Variants in RFX3 observed in about 807,000 individuals in gnomAD.
RFX3 encodes the protein regulatory factor X3.
A neutral mutation model predicts 98.6 loss-of-function variants in RFX3; 14 were observed. That is an observed-to-expected ratio of 0.14 (90% CI 0.09 to 0.22). RFX3 has a LOEUF of 0.22. Among genes scored for constraint, RFX3 ranks in the 10% least tolerant of loss-of-function variants. RFX3 has a pLI of 1.00. For missense variants in RFX3, 639 were observed against 926.9 expected, an observed-to-expected ratio of 0.69 and a Z score of 4.03; for synonymous variants, 383 against 328.4, an observed-to-expected ratio of 1.17 and a Z score of -1.80.
At chr9:3,408,826 A>G (rs963407351) in intron 1 of RFX3, among the ~76,000 whole-genome samples, 1 of 152,206 alleles carries the variant, frequency 6.6e-6, no homozygotes, top group Non-Finnish European at 1.5e-5. Context: ...GTAGTCTTCC[A>G]CTACTGCCTC....
intron 1 of RFX3, among the ~76,000 whole-genome samples, chr9:3,446,463 C>G (rs1044226351): frequency 2.0e-5 from 3 of 152,036 alleles, no homozygotes; most frequent in African/African-American, 7.2e-5. Context: ...GTGAACTACT[C>G]TGATGACTTG....
At chr9:3,235,061 A>C (rs1818954375) in intron 15 of RFX3, among the ~76,000 whole-genome samples, 1 of 152,242 alleles carries the variant, frequency 6.6e-6, no homozygotes, top group Middle Eastern at 3.2e-3. Flanking sequence ...CTGGTGTTTA[A>C]TTGTACGCAT....
rs114440513 is a variant in RFX3, at chr9:3,320,400, A to T, written c.474+9859T>A. On this transcript the variant is annotated intron_variant, in intron 4 of 16. Transcript: ENST00000617270. The stretch of plus-strand genomic sequence containing the variant: ...AAACCCCATGTCTACCAAAAATTAC[A>T]AAAGCTAGCCGGGTGTGGTGGCGCA... 7.5e-3 allele frequency among the ~76,000 whole-genome samples: 1,137 copies of T among 152,028 alleles called. 8 individuals carry two copies. The highest frequency in any genetic ancestry group is 0.026 in the African/African-American group (1,077 of 41,462).
At chr9:3,327,610 A>G (rs7853034) in intron 4 of RFX3, among the ~76,000 whole-genome samples, 10,045 of 151,994 alleles carry the variant, frequency 0.066, 1,127 homozygotes, top group African/African-American at 0.23. Flanking sequence ...TCTTATTTAA[A>G]AAAACGCAAA....
rs1185110747 is a variant in RFX3 at position 3,505,179 on chromosome 9, AAT to A, written c.-9+20566_-9+20567del. ...ATGAAATATATTTTATATTCATATA[AAT>A]ATATATATGAATATATATTTATATA... is the stretch of plus-strand genomic sequence containing the variant. On this transcript the variant is annotated intron_variant, in intron 1 of 16. Transcript: ENST00000617270. Among the ~76,000 whole-genome samples, 573 of 81,126 alleles carry A rather than the reference AAT, an allele frequency of 7.1e-3. 2 individuals carry two copies. Among genetic ancestry groups the A allele is most frequent in the Middle Eastern group, 0.029 (2 of 68 alleles). 53.2% of individuals were successfully genotyped at this position (81,126 alleles called of 152,430 possible).
intron 1 of RFX3, among the ~76,000 whole-genome samples, chr9:3,443,090 C>A (rs1264709345): frequency 3.3e-5 from 5 of 151,902 alleles, no homozygotes; most frequent in Non-Finnish European, 7.4e-5. Context: ...TATAAAGTGA[C>A]AAATAAGCAC....
chr9:3,255,406 G>A (rs1447771592), intron 14 of RFX3, among the ~76,000 whole-genome samples: 9 of 152,206 alleles, frequency 5.9e-5, no homozygotes, highest in African/African-American at 1.9e-4. Flanking sequence ...GATGTCCAGA[G>A]GATGACCATA....
At chr9:3,519,982 A>G (rs1275065131) in intron 1 of RFX3, among the ~76,000 whole-genome samples, 1 of 152,132 alleles carries the variant, frequency 6.6e-6, no homozygotes, top group Non-Finnish European at 1.5e-5. Context: ...TGATGGCAAC[A>G]GCCTGTAGTC....
intron 1 of RFX3, among the ~76,000 whole-genome samples, chr9:3,431,917 A>G (rs1458324403): frequency 1.3e-5 from 2 of 152,224 alleles, no homozygotes; most frequent in Admixed American, 6.5e-5. Flanking sequence ...CATATGAGTA[A>G]GGAAGAGAAG....
chr9:3,471,265 T>C (rs1587787467), intron 1 of RFX3, among the ~76,000 whole-genome samples: 1 of 152,312 alleles, frequency 6.6e-6, no homozygotes, highest in East Asian at 1.9e-4. Context: ...TTCCCTAACT[T>C]TGTCCTCAGA....
chr9:3,424,322 TAG>T (rs1464834388), intron 1 of RFX3, among the ~76,000 whole-genome samples: 1 of 148,304 alleles, frequency 6.7e-6, no homozygotes. Flanking sequence ...ATAGCAACAG[TAG>T]AGTCACTGTA....
chr9:3,459,023 G>C (rs1340596984), intron 1 of RFX3, among the ~76,000 whole-genome samples: 5 of 152,148 alleles, frequency 3.3e-5, no homozygotes, highest in African/African-American at 9.6e-5. Context: ...TCATTTTCTT[G>C]TAAGTGTGCC....
At chr9:3,246,064 A>G (rs573017223) in intron 15 of RFX3, among the ~76,000 whole-genome samples, 1 of 152,358 alleles carries the variant, frequency 6.6e-6, no homozygotes, top group East Asian at 1.9e-4. Context: ...TGTATGAGGC[A>G]TCAGTGTTGT....
At chr9:3,271,204 T>C (rs1824384891) in intron 9 of RFX3, 86 bp from the exon 10 acceptor site, 12 of 1,153,574 alleles carry the variant, frequency 1.0e-5, no homozygotes, top group Admixed American at 3.5e-5. Flanking sequence ...AGATTTTATA[T>C]GGTCAAGTTC....
intron 1 of RFX3, among the ~76,000 whole-genome samples, chr9:3,475,352 G>T (rs1587801310): frequency 6.6e-6 from 1 of 151,672 alleles, no homozygotes; most frequent in African/African-American, 2.4e-5. Context: ...AAGACGCAGA[G>T]ACCGGTAGTG....
intron 3 of RFX3, among the ~76,000 whole-genome samples, chr9:3,340,904 G>A (rs1833810880): frequency 6.6e-6 from 1 of 152,130 alleles, no homozygotes; most frequent in Admixed American, 6.5e-5. Flanking sequence ...CCATTACTGG[G>A]TACATACCCA....
At chr9:3,463,166 T>C (rs1847863607) in intron 1 of RFX3, among the ~76,000 whole-genome samples, 1 of 151,958 alleles carries the variant, frequency 6.6e-6, no homozygotes, top group South Asian at 2.1e-4. Flanking sequence ...ATCAAGAAAA[T>C]AGGGTATTGT....
At chr9:3,491,578 T>C (rs1365467930) in intron 1 of RFX3, among the ~76,000 whole-genome samples, 1 of 152,178 alleles carries the variant, frequency 6.6e-6, no homozygotes, top group Non-Finnish European at 1.5e-5. Context: ...AAATATCAAG[T>C]GAAAATTTTA....
chr9:3,326,303 G>A (rs1369595045), intron 4 of RFX3, among the ~76,000 whole-genome samples: 1 of 152,048 alleles, frequency 6.6e-6, no homozygotes. Context: ...AATTTAATTT[G>A]TTACCAAATT....
Sources: allele counts gnomAD v4.1 joint callset (sites outside exome capture counted in the v4.1 genomes callset), GRCh38; gene constraint gnomAD v4.1.1; transcripts MANE v1.5; gene names NCBI Gene and HGNC (gene_info 2026-07-23, HGNC 2026-07-21).